Variants in NISCH observed in about 807,000 individuals in gnomAD.
NISCH encodes nischarin.
A neutral mutation model predicts 138.4 loss-of-function variants in NISCH; 55 were observed. That is an observed-to-expected ratio of 0.40 (90% CI 0.32 to 0.50). NISCH has a LOEUF of 0.50. Among genes scored for constraint, NISCH ranks in the 20% least tolerant of loss-of-function variants. The pLI, the probability that NISCH is intolerant of heterozygous loss-of-function variation, is 0.71. For missense variants in NISCH, 1,643 were observed against 2,005.5 expected, an observed-to-expected ratio of 0.82 and a Z score of 3.45; for synonymous variants, 860 against 861.5, an observed-to-expected ratio of 1.00 and a Z score of 0.03.
chr3:52,472,040 G>C (rs1706965481), intron 5 of NISCH, 63 bp downstream of exon 5: 2 of 1,493,778 alleles, frequency 1.3e-6, no homozygotes, highest in Non-Finnish European at 1.8e-6. Flanking sequence ...ACCTGCGGGG[G>C]ACTGGCTGGC....
intron 6 of NISCH, among the ~76,000 whole-genome samples, chr3:52,473,150 C>A (rs1441966149): frequency 6.6e-6 from 1 of 152,246 alleles, no homozygotes; most frequent in Non-Finnish European, 1.5e-5. Flanking sequence ...GTGCACTGGG[C>A]TGTTCCGTCT....
At chr3:52,461,266 C>T (rs115235776) in intron 3 of NISCH, among the ~76,000 whole-genome samples, 193 of 152,202 alleles carry the variant, frequency 1.3e-3, no homozygotes, top group African/African-American at 4.5e-3. Flanking sequence ...GAAACAACTT[C>T]CTTAAACTCT....
Position 52,484,576 on chromosome 3 carries a change from C to T in NISCH, c.1592C>T (p.Pro531Leu). The stretch of plus-strand genomic sequence containing the variant: ...CTCTCGTCCACTGACAGTCTGACTC[C>T]CGAGCACCAGCCCATTGCCCAGGGA... ...SSLSSTDSLT[P>L]EHQPIAQGCS... Residue 531 changes from proline (P) to leucine (L), a missense_variant, in exon 14 of 21, where the codon CCC becomes CTC. Pro to Leu is a moderately conservative substitution (Grantham distance 98). Coordinates refer to ENST00000345716, the MANE Select transcript of NISCH (RefSeq NM_007184.4). 1 of 1,613,460 alleles carries T rather than the reference C, an allele frequency of 6.2e-7. No homozygotes were observed. The highest frequency in any genetic ancestry group is 8.5e-7 in the Non-Finnish European group (1 of 1,179,740).
In NISCH at chr3:52,492,245, C is replaced by T. The variant is rs1707589334; in HGVS notation, c.4278C>T (p.Tyr1426=). 2 of 1,613,088 alleles carry T rather than the reference C, an allele frequency of 1.2e-6. No homozygotes were observed. The highest frequency in any genetic ancestry group is 1.7e-6 in the Non-Finnish European group (2 of 1,180,030). The stretch of plus-strand genomic sequence containing the variant: ...GAGTGCTCATGGGCTACCAGACCTA[C>T]CCGCAGGCCCTCACCCTCGTCTTCG... ...LDRVLMGYQT[Y]PQALTLVFDD... Residue 1426 remains tyrosine, a synonymous_variant, in exon 21 of 21, where the codon TAC becomes TAT. Transcript: ENST00000345716.
chr3:52,477,539 C>T (rs1487743200), intron 8 of NISCH, 35 bp from the exon 9 acceptor site: 1 of 1,591,834 alleles, frequency 6.3e-7, no homozygotes. Context: ...GTCCAGCCCC[C>T]TACAGTAACA....
In NISCH at chr3:52,473,717, G is replaced by A. The variant is rs1261249093; in HGVS notation, c.670-17G>A. 1 of 1,551,898 alleles carries A rather than the reference G, an allele frequency of 6.4e-7. No homozygotes were observed. The highest frequency in any genetic ancestry group is 1.1e-5 in the South Asian group (1 of 87,724). The stretch of plus-strand genomic sequence containing the variant: ...GCAAGGATTCTGTTTCTGAGATGCA[G>A]CTGTTCTTTGTTCCAGATAAGTCAC... On this transcript the variant is annotated splice_polypyrimidine_tract_variant and intron_variant, in intron 6 of 20. Coordinates refer to ENST00000345716, the MANE Select transcript of NISCH (RefSeq NM_007184.4).
chr3:52,463,628 A>T (rs1188466558), intron 3 of NISCH, among the ~76,000 whole-genome samples: 2 of 149,726 alleles, frequency 1.3e-5, no homozygotes, highest in Admixed American at 6.6e-5. Context: ...ATTTTTTTTT[A>T]AATCTTAGTT....
In NISCH at chr3:52,488,433, G is replaced by T; in HGVS notation, c.2941G>T (p.Val981Phe). 1 of 1,613,780 alleles carries T rather than the reference G, an allele frequency of 6.2e-7. No individual in the cohort carries two copies. Among genetic ancestry groups the T allele is most frequent in the South Asian group, 1.1e-5 (1 of 91,090 alleles). The change falls in exon 16 of 21, where the codon GTC becomes TTC. Residue 981 changes from valine (V) to phenylalanine (F), a missense_variant. Transcript: ENST00000345716. Reference protein sequence around the residue: ...VLELLVGYRFVTAIFVLPHEK... With the variant: ...VLELLVGYRFFTAIFVLPHEK... ...AGAGCTGCTCGTGGGGTACCGCTTT[G>T]TCACTGCCATCTTCGTGCTGCCCCA...
chr3:52,473,664 A>G, intron 6 of NISCH, 70 bp from the exon 7 acceptor site: 1 of 1,110,172 alleles, frequency 9.0e-7, no homozygotes, highest in Non-Finnish European at 1.3e-6. Flanking sequence ...GGGGTAGGAA[A>G]CACCTGCATC....
chr3:52,467,486 C>G (rs928050642), intron 3 of NISCH, among the ~76,000 whole-genome samples: 1 of 152,138 alleles, frequency 6.6e-6, no homozygotes, highest in Non-Finnish European at 1.5e-5. Context: ...GTTTGACCAG[C>G]GAACTCTCTG....
intron 1 of NISCH, 128 bp from the exon 2 acceptor site, chr3:52,457,715 T>G: frequency 3.9e-6 from 3 of 764,120 alleles, no homozygotes; most frequent in South Asian, 1.6e-5. Flanking sequence ...TTGGGGTGGG[T>G]CTGAGTTGCA....
chr3:52,472,545 C>G (rs530172919), intron 6 of NISCH, 147 bp downstream of exon 6: 1 of 688,482 alleles, frequency 1.5e-6, no homozygotes, highest in African/African-American at 1.8e-5. Flanking sequence ...TGACCAGGCC[C>G]TCTGAAGGCG....
Position 52,488,346 on chromosome 3 carries a change from C to T in NISCH, c.2854C>T (p.Leu952=), listed in dbSNP as rs576893915. The change falls in exon 16 of 21, where the codon CTG becomes TTG. Residue 952 remains leucine, a synonymous_variant. Coordinates refer to ENST00000345716, the MANE Select transcript of NISCH (RefSeq NM_007184.4). ...CAGCCGTGTGCCGCTCTCCACCGTG[C>T]TGCTGGACCCCACACGCAGCTGTAC... The part of the protein sequence containing the change: ...KLSRVPLSTV[L]LDPTRSCTQP... 5 of 1,613,506 alleles carry T rather than the reference C, an allele frequency of 3.1e-6. No individual in the cohort carries two copies. The highest frequency in any genetic ancestry group is 4.5e-5 in the East Asian group (2 of 44,888).
chr3:52,482,624 C>A (rs1316414714), intron 13 of NISCH, among the ~76,000 whole-genome samples: 1 of 152,200 alleles, frequency 6.6e-6, no homozygotes, highest in Non-Finnish European at 1.5e-5. Flanking sequence ...TTCTCTGAAA[C>A]TGAGGTGCGT....
At chr3:52,459,540 TCTC>T (rs1380278958) in intron 3 of NISCH, among the ~76,000 whole-genome samples, 2 of 152,074 alleles carry the variant, frequency 1.3e-5, no homozygotes, top group Non-Finnish European at 2.9e-5. Flanking sequence ...TTCAAGCAAT[TCTC>T]CTGCCTCAGC....
intron 15 of NISCH, 132 bp downstream of exon 15, chr3:52,485,959 C>A: frequency 1.3e-6 from 1 of 769,614 alleles, no homozygotes. Flanking sequence ...ACTATTTCTT[C>A]CTCTAAAGAG....
Position 52,488,722 on chromosome 3 carries a change from C to A in NISCH, c.3113+117C>A, listed in dbSNP as rs556716641. On this transcript the variant is annotated intron_variant, in intron 16 of 20. Coordinates refer to ENST00000345716, the MANE Select transcript of NISCH (RefSeq NM_007184.4). ...GCTGCGAGAGCTGGGCCCCCTCCCC[C>A]CCTGCCCCTCGCCCCCCCCGGGCCT... The A allele has an allele frequency of 1.6e-3, 1,371 of 877,780 alleles. 3 individuals are homozygous for A. The highest frequency in any genetic ancestry group is 2.1e-3 in the Non-Finnish European group (1,243 of 587,722). 54.4% of individuals were successfully genotyped at this position (877,780 alleles called of 1,614,324 possible).
chr3:52,486,963 A>C (rs550047030), intron 15 of NISCH, among the ~76,000 whole-genome samples: 1 of 152,358 alleles, frequency 6.6e-6, no homozygotes, highest in South Asian at 2.1e-4. Context: ...CCTATGGTCC[A>C]AGCCCCTAGA....
At position 52,484,574 on chromosome 3, in the gene NISCH, TC is replaced by T; in HGVS notation, c.1593del (p.Glu532SerfsTer26). On this transcript the variant is annotated frameshift_variant, in exon 14 of 21. Coordinates refer to ENST00000345716, the MANE Select transcript of NISCH (RefSeq NM_007184.4). LOFTEE classifies it high-confidence loss of function. ...SSLSSTDSLT[P>X]EHQPIAQGCS... ...GCCTCTCGTCCACTGACAGTCTGAC[TC>T]CCGAGCACCAGCCCATTGCCCAGGG... is the stretch of plus-strand genomic sequence containing the variant. 1 of 1,612,668 alleles carries T rather than the reference TC, an allele frequency of 6.2e-7. No homozygotes were observed. The highest frequency in any genetic ancestry group is 8.5e-7 in the Non-Finnish European group (1 of 1,179,494).
Sources: gnomAD v4.1 joint callset for allele counts (sites outside exome capture counted in the v4.1 genomes callset) on GRCh38, gnomAD v4.1.1 for gene constraint, MANE v1.5 for transcripts, NCBI Gene and HGNC (gene_info 2026-07-23, HGNC 2026-07-21) for gene names.